KAZN: variants seen among roughly 807,000 people sequenced by gnomAD.
KAZN encodes kazrin, periplakin interacting protein.
In KAZN, 40 loss-of-function variants were observed where a neutral mutation model predicts 87.4. The ratio of observed to expected loss-of-function variants is 0.46; its 90% CI spans 0.36 to 0.60. The LOEUF (loss-of-function observed/expected upper bound fraction) is 0.60, where lower values mean the gene tolerates loss of function less well. KAZN is among the 20% of genes least tolerant of loss of function. The pLI, the probability that KAZN is intolerant of heterozygous loss-of-function variation, is 0.00. For missense variants in KAZN, 898 were observed against 1,073.9 expected (o/e 0.84, Z 2.29); for synonymous variants, 466 against 458.3 (o/e 1.02, Z -0.22).
At position 14,736,254 on chromosome 1, in the gene KAZN, G is replaced by GGTGTGTGTGTGTGT. The variant is rs528070001; in HGVS notation, c.226+137064_226+137077dup. ...TGTTGGGGCTCATGTGGGACTCAAGGGTGTGTGTGTGTGTGTGTGTGTGTG... is the reference window on the plus strand; with the variant it reads ...TGTTGGGGCTCATGTGGGACTCAAGGGTGTGTGTGTGTGTGTGTGTGTGTGTGTGTGTGTGTGTG... On this transcript the variant is annotated intron_variant, in intron 1 of 14. Transcript: ENST00000376030. 1.5e-3 allele frequency among the ~76,000 whole-genome samples: 175 copies of GGTGTGTGTGTGTGT among 115,300 alleles called. 1 individual carries two copies. The highest frequency in any genetic ancestry group is 3.9e-3 in the African/African-American group (120 of 31,144). 75.6% of individuals were successfully genotyped at this position (115,300 alleles called of 152,430 possible).
At chr1:14,362,250 G>C (rs1210233646) in intron 2 of KAZN, among the ~76,000 whole-genome samples, 1 of 152,188 alleles carries the variant, frequency 6.6e-6, no homozygotes, top group Admixed American at 6.5e-5. Context: ...ATAGTTGTTA[G>C]CAGCATTCAG....
At chr1:14,385,851 C>A (rs1039780690) in intron 2 of KAZN, among the ~76,000 whole-genome samples, 1 of 147,620 alleles carries the variant, frequency 6.8e-6, no homozygotes, top group African/African-American at 2.5e-5. Flanking sequence ...GAGCTGAGTT[C>A]AATTCCTGGG....
chr1:14,201,894 C>T (rs1217892589), intron 2 of KAZN, among the ~76,000 whole-genome samples: 2 of 152,186 alleles, frequency 1.3e-5, no homozygotes, highest in African/African-American at 4.8e-5. Context: ...TCTCAAATTC[C>T]CGACCTCAGG....
chr1:14,117,971 T>C (rs946961509), intron 1 of KAZN, among the ~76,000 whole-genome samples: 1 of 152,228 alleles, frequency 6.6e-6, no homozygotes. Flanking sequence ...GTTTCCCACA[T>C]GTGAGCTCAG....
At chr1:14,782,596 C>T (rs1339659505) in intron 1 of KAZN, among the ~76,000 whole-genome samples, 1 of 148,242 alleles carries the variant, frequency 6.7e-6, no homozygotes. Context: ...AAAAGAAATG[C>T]ACCTCCTATG....
intron 2 of KAZN, among the ~76,000 whole-genome samples, chr1:14,267,855 G>A (rs1651614295): frequency 6.6e-6 from 1 of 152,174 alleles, no homozygotes; most frequent in African/African-American, 2.4e-5. Flanking sequence ...AACTACTTGG[G>A]ACGCTGAGGC....
At chr1:14,104,275 G>A (rs1364544743) in intron 1 of KAZN, among the ~76,000 whole-genome samples, 2 of 152,188 alleles carry the variant, frequency 1.3e-5, no homozygotes, top group Non-Finnish European at 2.9e-5. Context: ...TCCTGGCGCT[G>A]GAGGAGGTCT....
intron 2 of KAZN, among the ~76,000 whole-genome samples, chr1:14,356,644 G>A (rs1659052695): frequency 6.6e-6 from 1 of 152,112 alleles, no homozygotes; most frequent in Non-Finnish European, 1.5e-5. Context: ...TTCTGCATAT[G>A]GCTAGCCAGT....
chr1:15,063,771 C>A (rs929820866), intron 7 of KAZN, 149 bp downstream of exon 7: 1 of 687,216 alleles, frequency 1.5e-6, no homozygotes, highest in African/African-American at 1.8e-5. Flanking sequence ...GTCCATACTG[C>A]ACACCCAAGG....
intron 2 of KAZN, among the ~76,000 whole-genome samples, chr1:14,330,075 T>C (rs960681164): frequency 1.3e-5 from 2 of 152,150 alleles, no homozygotes; most frequent in Admixed American, 6.5e-5. Context: ...GTGGGTTCTC[T>C]CTGAATCTGT....
At chr1:14,033,061 C>T (rs1416737508) in intron 1 of KAZN, among the ~76,000 whole-genome samples, 1 of 152,152 alleles carries the variant, frequency 6.6e-6, no homozygotes, top group African/African-American at 2.4e-5. Context: ...TAACCCTGTA[C>T]TTGGCACAAA....
chr1:14,801,589 G>A (rs936971732), intron 1 of KAZN, among the ~76,000 whole-genome samples: 39 of 152,156 alleles, frequency 2.6e-4, no homozygotes, highest in African/African-American at 8.2e-4. Context: ...TTCCTCAGGA[G>A]GGCTATGACG....
At chr1:15,004,112 A>G (rs760002568) in intron 2 of KAZN, among the ~76,000 whole-genome samples, 1 of 152,224 alleles carries the variant, frequency 6.6e-6, no homozygotes, top group Non-Finnish European at 1.5e-5. Flanking sequence ...CTCGTGCACT[A>G]TCAGGGTGAG....
In KAZN at chr1:14,793,625, C is replaced by T. The variant is rs750097968; in HGVS notation, c.227-167059C>T. On this transcript the variant is annotated intron_variant, in intron 1 of 14. Transcript: ENST00000376030. ...TGTGCCTAGAATGGTGGGTGGCACA[C>T]AGTATGTGCTCCATAAATGTTTGCT... 2.2e-4 allele frequency among the ~76,000 whole-genome samples: 33 copies of T among 152,214 alleles called. 1 individual carries two copies. The highest frequency in any genetic ancestry group is 5.2e-4 in the Admixed American group (8 of 15,282).
At position 14,584,007 on chromosome 1, in the gene KAZN, C is replaced by A. The variant is rs79436121; in HGVS notation, c.250-14976C>A. ...CCAAGTCCCCGCCCAGGCTGCAGGT[C>A]AGGGCTCATTATCTTGTTGTTGGGG... On this transcript the variant is annotated intron_variant, in intron 2 of 16. Transcript: ENST00000636203. Among the ~76,000 whole-genome samples the A allele has an allele frequency of 6.8e-3, 1,038 of 152,262 alleles. 15 individuals carry two copies. The highest frequency in any genetic ancestry group is 0.023 in the African/African-American group (961 of 41,552).
intron 1 of KAZN, among the ~76,000 whole-genome samples, chr1:14,913,684 G>A (rs1657487612): frequency 1.3e-5 from 2 of 152,250 alleles, no homozygotes; most frequent in South Asian, 4.1e-4. Flanking sequence ...GGGCGTCTTT[G>A]TAGCCACCAA....
intron 1 of KAZN, among the ~76,000 whole-genome samples, chr1:14,743,725 C>G (rs903092973): frequency 2.6e-5 from 4 of 152,086 alleles, no homozygotes; most frequent in Non-Finnish European, 5.9e-5. Context: ...TCCTCCTCAC[C>G]CTCCACTACT....
intron 2 of KAZN, among the ~76,000 whole-genome samples, chr1:14,220,131 C>G (rs1280443107): frequency 6.6e-6 from 1 of 152,170 alleles, no homozygotes; most frequent in African/African-American, 2.4e-5. Context: ...GCCTTCTGTG[C>G]TCTCTGTGTT....
intron 2 of KAZN, among the ~76,000 whole-genome samples, chr1:15,015,745 C>A (rs58829231): frequency 0.036 from 5,458 of 152,238 alleles, 328 homozygotes; most frequent in African/African-American, 0.12. Context: ...TGACCACCAT[C>A]CCTTCTGGTG....
Sources: allele counts gnomAD v4.1 joint callset (sites outside exome capture counted in the v4.1 genomes callset), GRCh38; gene constraint gnomAD v4.1.1; transcripts MANE v1.5; gene names NCBI Gene and HGNC (gene_info 2026-07-23, HGNC 2026-07-21).